MAPK10: variants seen among roughly 807,000 people sequenced by gnomAD.
MAPK10 encodes JNK3 alpha protein kinase.
In MAPK10, 25 loss-of-function variants were observed where a neutral mutation model predicts 59.3. The observed-to-expected ratio is 0.42, with a 90% CI of 0.31 to 0.59. The LOEUF is 0.59. Among genes scored for constraint, MAPK10 ranks in the 20% least tolerant of loss-of-function variants. MAPK10 has a pLI of 0.15. For synonymous variants in MAPK10, 190 were observed against 200.5 expected (o/e 0.95, Z 0.44); for missense variants, 351 against 568.9 (o/e 0.62, Z 3.90).
chr4:86,351,396 A>AACACACACAC lies in MAPK10; in HGVS notation c.-7+3124_-7+3133dup, dbSNP rs142964843. On this transcript the variant is annotated intron_variant, in intron 2 of 13. Coordinates refer to ENST00000641462, the MANE Select transcript of MAPK10 (RefSeq NM_138982.4). ...TATATATATACAGTGTGTATACACA[A>AACACACACAC]ACACACACACACACACACACACACA... Among the ~76,000 whole-genome samples, 207 of 132,548 alleles carry AACACACACAC rather than the reference A, an allele frequency of 1.6e-3. 1 individual carries two copies. The highest frequency in any genetic ancestry group is 0.014 in the East Asian group (57 of 4,170). The allele number at this position is 132,548 out of a possible 152,430, so 87.0% of individuals were successfully genotyped here.
chr4:86,542,960 T>C (rs1758842867), intron 1 of MAPK10, among the ~76,000 whole-genome samples: 1 of 152,096 alleles, frequency 6.6e-6, no homozygotes, highest in African/African-American at 2.4e-5. Context: ...CCAAATACCA[T>C]CATGCTGGGG....
chr4:86,258,407 C>T (rs371575811), intron 2 of MAPK10, among the ~76,000 whole-genome samples: 2 of 152,154 alleles, frequency 1.3e-5, no homozygotes, highest in East Asian at 3.9e-4. Context: ...CTCCTGTCAA[C>T]TCCTGGGTTT....
chr4:86,103,349 G>A (rs1441101003), intron 5 of MAPK10, 105 bp from the exon 6 acceptor site: 2 of 651,844 alleles, frequency 3.1e-6, no homozygotes, highest in Non-Finnish European at 5.4e-6. Context: ...CTAGTGCTAT[G>A]GCAGAAATGG....
At chr4:86,593,745 G>A (rs2149121223) in intron 1 of MAPK10, 1 of 152,096 alleles carries the variant, frequency 6.6e-6, no homozygotes, top group South Asian at 2.1e-4. Context: ...GGCTTTTTTC[G>A]TTGACCCCGC....
intron 1 of MAPK10, among the ~76,000 whole-genome samples, chr4:86,407,207 A>G (rs1004136932): frequency 6.6e-6 from 1 of 152,180 alleles, no homozygotes; most frequent in African/African-American, 2.4e-5. Flanking sequence ...TAAGTCTTTG[A>G]CATGTGTTAT....
At chr4:86,111,729 A>G (rs2057513672) in intron 4 of MAPK10, among the ~76,000 whole-genome samples, 1 of 152,116 alleles carries the variant, frequency 6.6e-6, no homozygotes, top group Non-Finnish European at 1.5e-5. Context: ...GTATCAGGAT[A>G]ATGCTGGCCT....
intron 1 of MAPK10, among the ~76,000 whole-genome samples, chr4:86,359,292 G>C (rs62307451): frequency 0.24 from 13,822 of 56,774 alleles, 1,152 homozygotes; most frequent in South Asian, 0.34. Context: ...CTCTCTCTGT[G>C]TGTGTGTGTG....
At chr4:86,184,402 C>T (rs2077661456) in intron 3 of MAPK10, among the ~76,000 whole-genome samples, 1 of 152,106 alleles carries the variant, frequency 6.6e-6, no homozygotes, top group South Asian at 2.1e-4. Context: ...AAATTCAGGC[C>T]TACTCATTTT....
chr4:86,218,587 A>C (rs989063306), intron 2 of MAPK10, among the ~76,000 whole-genome samples: 6 of 143,144 alleles, frequency 4.2e-5, no homozygotes, highest in South Asian at 4.5e-4. Context: ...AAAAAAAAAA[A>C]CACTTTGGGC....
intron 4 of MAPK10, among the ~76,000 whole-genome samples, chr4:86,128,672 T>C (rs1172364347): frequency 1.3e-5 from 2 of 152,122 alleles, no homozygotes; most frequent in East Asian, 1.9e-4. Flanking sequence ...TATAATCTTG[T>C]TGTAGTCCTT....
intron 1 of MAPK10, among the ~76,000 whole-genome samples, chr4:86,571,850 G>GA (rs1761484876): frequency 1.3e-5 from 2 of 151,822 alleles, no homozygotes. Context: ...TCAAAAAGCA[G>GA]AAAAAAGGTG....
intron 2 of MAPK10, among the ~76,000 whole-genome samples, chr4:86,241,335 G>T (rs1041655520): frequency 6.6e-6 from 1 of 151,854 alleles, no homozygotes; most frequent in Admixed American, 6.6e-5. Flanking sequence ...CTTCTCGTGG[G>T]GTATCTTAAT....
At chr4:86,401,131 TGTACTACAGG>T (rs1564804244) in intron 1 of MAPK10, among the ~76,000 whole-genome samples, 1 of 152,134 alleles carries the variant, frequency 6.6e-6, no homozygotes, top group Admixed American at 6.6e-5. Context: ...TTGAAAGCAA[TGTACTACAGG>T]AAAATAACTA....
At chr4:86,511,490 C>CA (rs1756234528) in intron 1 of MAPK10, among the ~76,000 whole-genome samples, 1 of 151,968 alleles carries the variant, frequency 6.6e-6, no homozygotes, top group African/African-American at 2.4e-5. Flanking sequence ...GGCTTGAGCA[C>CA]AGGAGGTGAG....
At chr4:86,504,892 A>T (rs1431239785) in intron 1 of MAPK10, among the ~76,000 whole-genome samples, 1 of 152,130 alleles carries the variant, frequency 6.6e-6, no homozygotes, top group Non-Finnish European at 1.5e-5. Flanking sequence ...TCTCAAGTCC[A>T]ATTTCACCTG....
chr4:86,457,379 TG>T (rs1751329279), upstream of MAPK10, among the ~76,000 whole-genome samples: 1 of 152,170 alleles, frequency 6.6e-6, no homozygotes, highest in Non-Finnish European at 1.5e-5. Flanking sequence ...CACTGTTTGC[TG>T]ATGATGTGAT....
chr4:86,509,956 T>C (rs538323625), intron 1 of MAPK10, among the ~76,000 whole-genome samples: 57 of 152,348 alleles, frequency 3.7e-4, no homozygotes, highest in Admixed American at 9.2e-4. Context: ...ATGCTGTGTC[T>C]AAATTGTAAA....
intron 1 of MAPK10, among the ~76,000 whole-genome samples, chr4:86,499,477 T>G (rs1755137697): frequency 6.6e-6 from 1 of 152,138 alleles, no homozygotes; most frequent in African/African-American, 2.4e-5. Context: ...GGGCCACACA[T>G]ACACACCCAT....
chr4:86,029,226 C>A lies in MAPK10; in HGVS notation c.1223G>T (p.Gly408Val), dbSNP rs200198724. 784 of 1,611,034 alleles carry A rather than the reference C, an allele frequency of 4.9e-4. 6 individuals are homozygous for A. In the South Asian group the frequency reaches 6.4e-3, roughly 13 times the overall value. Reference protein sequence around the residue: ...VMNSEEKTKNGVVKGQPSPSG... With the variant: ...VMNSEEKTKNVVVKGQPSPSG... ...AGGAGAAGGCTGTCCTTTTACTACA[C>A]CATTTTTAGTCTTTTCTTCTGAATT... Residue 408 changes from glycine (G) to valine (V), a missense_variant, in exon 13 of 14, where the codon GGT (glycine) becomes GTT (valine). Gly to Val is a moderately radical substitution (Grantham distance 109). This residue lies in a region of MAPK10 where 155 missense variants were observed against 204.2 expected (regional missense o/e 0.76). Transcript: ENST00000641462.
Sources: gnomAD v4.1 joint callset for allele counts (sites outside exome capture counted in the v4.1 genomes callset) on GRCh38, gnomAD v4.1.1 for gene constraint, gnomAD v4.1.1 regional missense constraint, MANE v1.5 for transcripts, NCBI Gene and HGNC (gene_info 2026-07-23, HGNC 2026-07-21) for gene names.